PCDHA1: variants seen among roughly 807,000 people sequenced by gnomAD.
PCDHA1 encodes the protein protocadherin alpha 1.
Under a neutral mutation model 61.3 loss-of-function variants are expected in PCDHA1, and 42 were observed. The ratio of observed to expected loss-of-function variants is 0.69; its 90% CI spans 0.54 to 0.89. PCDHA1 has a LOEUF of 0.89. Among genes scored for constraint, PCDHA1 ranks in the 40% least tolerant of loss-of-function variants. The pLI, the probability that PCDHA1 is intolerant of heterozygous loss-of-function variation, is 0.00. For missense variants in PCDHA1, 1,256 were observed against 1,235.3 expected, an observed-to-expected ratio of 1.02 and a Z score of -0.25; for synonymous variants, 610 against 553.8, an observed-to-expected ratio of 1.10 and a Z score of -1.43.
At chr5:140,795,110 C>A (rs781929657) in intron 1 of PCDHA1, 1 of 1,614,040 alleles carries the variant, frequency 6.2e-7, no homozygotes, top group Non-Finnish European at 8.5e-7. Flanking sequence ...GGCCGCATCG[C>A]GCAGGACCTG....
rs2150412842 is a variant in PCDHA1 at position 140,848,560 on chromosome 5, C to A, written c.2394+59876C>A. 2.5e-6 allele frequency: 4 copies of A among 1,595,490 alleles called. No homozygotes were observed. The highest frequency in any genetic ancestry group is 3.4e-5 in the Admixed American group (2 of 59,252). On this transcript the variant is annotated intron_variant, in intron 1 of 3. Coordinates refer to ENST00000504120, the MANE Select transcript of PCDHA1 (RefSeq NM_018900.4). ...CTACTGCTCTCGCTTCTGATCCTCG[C>A]AATGTGGGTGGTGGGGAGCGGCCAG...
chr5:140,832,092 A>T, intron 1 of PCDHA1, among the ~76,000 whole-genome samples: 1 of 152,240 alleles, frequency 6.6e-6, no homozygotes, highest in East Asian at 1.9e-4. Flanking sequence ...TTTAAATGCC[A>T]TGTTCTACAT....
chr5:141,008,837 C>G (rs1460664317), intron 3 of PCDHA1, among the ~76,000 whole-genome samples: 1 of 152,178 alleles, frequency 6.6e-6, no homozygotes, highest in Non-Finnish European at 1.5e-5. Flanking sequence ...CATCCTCTTA[C>G]GCTGTGTATT....
At chr5:140,827,834 A>T in intron 1 of PCDHA1, 2 of 435,400 alleles carry the variant, frequency 4.6e-6, no homozygotes, top group Non-Finnish European at 4.0e-6. Context: ...AAGTAGAGAA[A>T]AGAAGATACT....
chr5:140,808,289 G>C (rs1764139078), intron 1 of PCDHA1: 1 of 1,614,140 alleles, frequency 6.2e-7, no homozygotes, highest in Non-Finnish European at 8.5e-7. Flanking sequence ...ACTGGGTACA[G>C]TCATCGCCCT....
At chr5:140,928,344 G>T (rs1554205800) in intron 1 of PCDHA1, 2 of 1,614,168 alleles carry the variant, frequency 1.2e-6, no homozygotes, top group East Asian at 2.2e-5. Flanking sequence ...CTTATGAGCT[G>T]TTGGATGTTA....
intron 3 of PCDHA1, among the ~76,000 whole-genome samples, chr5:140,999,166 A>G (rs2097849848): frequency 6.6e-6 from 1 of 152,190 alleles, no homozygotes; most frequent in South Asian, 2.1e-4. Context: ...CTAGAAGGAA[A>G]AGAGCCTGAT....
rs6858913 is a variant in PCDHA1, at chr5:140,797,255, C to T, written c.2394+8571C>T. The stretch of plus-strand genomic sequence containing the variant: ...CAGAGGGTGTGCTCTGGGGAGGACC[C>T]CCCCAAGACGGACCTCATGGCCTTC... On this transcript the variant is annotated intron_variant, in intron 1 of 3. Transcript: ENST00000504120. The T allele has an allele frequency of 2.6e-3, 4,142 of 1,614,196 alleles. 72 individuals carry two copies. In the African/African-American group the frequency reaches 0.048, roughly 19 times the overall value.
chr5:140,890,772 C>T (rs2062796545), intron 1 of PCDHA1, among the ~76,000 whole-genome samples: 1 of 152,118 alleles, frequency 6.6e-6, no homozygotes, highest in South Asian at 2.1e-4. Context: ...TATTTTAAAA[C>T]CCCATAAGAT....
chr5:140,946,765 T>C (rs1255265012), intron 1 of PCDHA1, among the ~76,000 whole-genome samples: 2 of 151,428 alleles, frequency 1.3e-5, no homozygotes, highest in African/African-American at 4.9e-5. Flanking sequence ...ATCTCATTCA[T>C]GTGGAATGTA....
intron 1 of PCDHA1, among the ~76,000 whole-genome samples, chr5:140,942,908 G>A (rs187574457): frequency 2.6e-5 from 4 of 151,726 alleles, no homozygotes; most frequent in African/African-American, 9.7e-5. Flanking sequence ...AAGAATAAGC[G>A]TGAAGAAAAA....
intron 1 of PCDHA1, among the ~76,000 whole-genome samples, chr5:140,943,373 A>G (rs1554215633): frequency 6.6e-6 from 1 of 152,128 alleles, no homozygotes; most frequent in East Asian, 1.9e-4. Flanking sequence ...TCATTAAAAT[A>G]TACAGGTAAG....
chr5:140,836,651 G>A (rs1774653437), intron 1 of PCDHA1: 1 of 1,613,546 alleles, frequency 6.2e-7, no homozygotes, highest in East Asian at 2.2e-5. Flanking sequence ...AGAGGCGGCA[G>A]AGGGTGTGCT....
intron 2 of PCDHA1, among the ~76,000 whole-genome samples, chr5:140,981,613 G>C (rs1279038280): frequency 6.6e-6 from 1 of 152,056 alleles, no homozygotes; most frequent in Non-Finnish European, 1.5e-5. Flanking sequence ...CTCTAATTTT[G>C]ATGAGGGTTT....
chr5:140,969,140 T>G, intron 1 of PCDHA1: 1 of 1,613,980 alleles, frequency 6.2e-7, no homozygotes, highest in Non-Finnish European at 8.5e-7. Flanking sequence ...CAAGACCTAC[T>G]GCTACAAGGC....
At chr5:140,843,774 A>T in intron 1 of PCDHA1, 1 of 1,457,980 alleles carries the variant, frequency 6.9e-7, no homozygotes. Context: ...TAGTTACTTT[A>T]AAAGTGTTTC....
intron 1 of PCDHA1, chr5:140,877,494 G>A: frequency 6.2e-7 from 1 of 1,613,890 alleles, no homozygotes; most frequent in Non-Finnish European, 8.5e-7. Context: ...AGAACGGCCA[G>A]GCCCCAAAGA....
chr5:140,854,159 CAAAAAA>C, intron 1 of PCDHA1: 1 of 339,904 alleles, frequency 2.9e-6, no homozygotes, highest in Middle Eastern at 1.4e-3. Flanking sequence ...GATTCTGTCT[CAAAAAA>C]AAAAAAAAAA....
intron 1 of PCDHA1, among the ~76,000 whole-genome samples, chr5:140,797,631 TA>T (rs1218332541): frequency 6.6e-6 from 1 of 152,228 alleles, no homozygotes. Flanking sequence ...GCAAAATTTG[TA>T]AATTAAACAT....
Sources: gnomAD v4.1 joint callset for allele counts (sites outside exome capture counted in the v4.1 genomes callset) on GRCh38, gnomAD v4.1.1 for gene constraint, MANE v1.5 for transcripts, NCBI Gene and HGNC (gene_info 2026-07-23, HGNC 2026-07-21) for gene names.